Variants in FDX1 observed in about 807,000 individuals in gnomAD.
FDX1 encodes ferredoxin 1, also known as adrenodoxin, mitochondrial.
In FDX1, 9 loss-of-function variants were observed where a neutral mutation model predicts 14.9. That is an observed-to-expected ratio of 0.60 (90% CI 0.36 to 1.05). FDX1 has a LOEUF of 1.05. FDX1 is among the 50% of genes least tolerant of loss of function. FDX1 has a pLI of 0.01. For synonymous variants in FDX1, 92 were observed against 99.4 expected (o/e 0.93, Z 0.44); for missense variants, 204 against 237.2 (o/e 0.86, Z 0.92).
chr11:110,460,355 G>A (rs761204344), intron 3 of FDX1, among the ~76,000 whole-genome samples: 2 of 152,202 alleles, frequency 1.3e-5, no homozygotes, highest in Non-Finnish European at 1.5e-5. Context: ...GGCTCTGGCC[G>A]CTTTTCTGGC....
At chr11:110,447,177 GA>G (rs369698874) in intron 2 of FDX1, among the ~76,000 whole-genome samples, 2,060 of 31,206 alleles carry the variant, frequency 0.066, 63 homozygotes, top group African/African-American at 0.23. Flanking sequence ...CTCCATCTTG[GA>G]AAAAAAAAAA....
At chr11:110,454,930 A>G (rs759232171) in intron 2 of FDX1, among the ~76,000 whole-genome samples, 1 of 152,230 alleles carries the variant, frequency 6.6e-6, no homozygotes, top group Non-Finnish European at 1.5e-5. Context: ...TCCCTCTCCC[A>G]TAATTCTACT....
intron 2 of FDX1, 47 bp from the exon 3 acceptor site, chr11:110,456,871 C>A: frequency 6.4e-7 from 1 of 1,553,642 alleles, no homozygotes; most frequent in Non-Finnish European, 8.7e-7. Context: ...AGGTATGAAT[C>A]GTCTGATGTA....
At chr11:110,443,288 T>C (rs79538436) in intron 2 of FDX1, among the ~76,000 whole-genome samples, 3,791 of 140,350 alleles carry the variant, frequency 0.027, 141 homozygotes, top group African/African-American at 0.09. Flanking sequence ...CCTTTTTTTT[T>C]TCTGTAGGAA....
chr11:110,461,623 G>A (rs1442583031), intron 3 of FDX1, among the ~76,000 whole-genome samples: 1 of 149,028 alleles, frequency 6.7e-6, no homozygotes, highest in Non-Finnish European at 1.5e-5. Context: ...TTTACACCCT[G>A]CTTTCTTTCT....
At chr11:110,457,805 C>G (rs566838697) in intron 3 of FDX1, among the ~76,000 whole-genome samples, 25 of 152,192 alleles carry the variant, frequency 1.6e-4, no homozygotes, top group African/African-American at 2.2e-4. Flanking sequence ...TTGTTATACA[C>G]TTTTAATATA....
intron 2 of FDX1, among the ~76,000 whole-genome samples, chr11:110,446,607 A>G (rs1946451522): frequency 6.6e-6 from 1 of 152,118 alleles, no homozygotes; most frequent in Non-Finnish European, 1.5e-5. Flanking sequence ...TTCCTACCTC[A>G]GTAATGAGCA....
At chr11:110,455,282 G>A (rs1470488727) in intron 2 of FDX1, among the ~76,000 whole-genome samples, 1 of 151,780 alleles carries the variant, frequency 6.6e-6, no homozygotes, top group Non-Finnish European at 1.5e-5. Flanking sequence ...TTACAGGTGT[G>A]AGCCACCGTG....
chr11:110,453,309 GT>G (rs1300470527), intron 2 of FDX1, among the ~76,000 whole-genome samples: 1 of 152,164 alleles, frequency 6.6e-6, no homozygotes, highest in Non-Finnish European at 1.5e-5. Context: ...TTACACTCCA[GT>G]CCAGGCAACA....
intron 3 of FDX1, among the ~76,000 whole-genome samples, chr11:110,461,884 T>C (rs902191442): frequency 2.0e-5 from 3 of 152,236 alleles, no homozygotes; most frequent in Admixed American, 1.3e-4. Flanking sequence ...GCTCTTATAA[T>C]TGATGACTTA....
At position 110,462,406 on chromosome 11, in the gene FDX1, G is replaced by C. The variant is rs1222706255; in HGVS notation, c.493G>C (p.Val165Leu). The change falls in exon 4 of 4, where the codon GTT (valine) becomes CTT (leucine). Residue 165 changes from valine to leucine, a missense_variant. Coordinates refer to ENST00000260270, the MANE Select transcript of FDX1 (RefSeq NM_004109.5). ...GACAAAATCTATGGACAATATGACT[G>C]TTCGAGTGCCTGAAACAGTGGCTGA... The part of the protein sequence containing the change: ...CLTKSMDNMT[V>L]RVPETVADAR... 19 of 1,612,606 alleles carry C rather than the reference G, an allele frequency of 1.2e-5. No individual in the cohort carries two copies. The highest frequency in any genetic ancestry group is 1.4e-5 in the Non-Finnish European group (17 of 1,178,804).
chr11:110,451,069 T>C (rs1591252533), intron 2 of FDX1, among the ~76,000 whole-genome samples: 1 of 152,132 alleles, frequency 6.6e-6, no homozygotes, highest in African/African-American at 2.4e-5. Context: ...TTTATTCTTT[T>C]ATAGTTTTAT....
intron 2 of FDX1, among the ~76,000 whole-genome samples, chr11:110,444,681 TATACACGTATATATATATATATAC>T (rs1565381840): frequency 9.6e-5 from 7 of 73,184 alleles, no homozygotes; most frequent in African/African-American, 3.3e-4. Context: ...TATATATATA[TATACACGTATATATATATATATAC>T]GTATATATAT....
intron 3 of FDX1, among the ~76,000 whole-genome samples, chr11:110,459,156 T>C (rs1946541373): frequency 6.6e-6 from 1 of 152,126 alleles, no homozygotes; most frequent in African/African-American, 2.4e-5. Context: ...ATGATTGTAA[T>C]TGCTCCCTGC....
At position 110,456,930 on chromosome 11, in the gene FDX1, G is replaced by GAAC; in HGVS notation, c.324_326dup (p.Thr109dup). ...TTGCTTTTGTCAGGTGCATGTGAGG[G>GAAC]AACCCTGGCTTGTTCAACCTGTCAC... On this transcript the variant is annotated inframe_insertion, in exon 3 of 4. Coordinates refer to ENST00000260270, the MANE Select transcript of FDX1 (RefSeq NM_004109.5). 1 of 1,611,598 alleles carries GAAC rather than the reference G, an allele frequency of 6.2e-7. No homozygotes were observed. Among genetic ancestry groups the GAAC allele is most frequent in the Non-Finnish European group, 8.5e-7 (1 of 1,178,728 alleles).
chr11:110,449,437 G>C (rs77069529), intron 2 of FDX1, among the ~76,000 whole-genome samples: 22 of 152,102 alleles, frequency 1.4e-4, no homozygotes, highest in Admixed American at 1.4e-3. Context: ...TATTTATGGG[G>C]TAGGTACAGT....
At chr11:110,452,810 T>G (rs187153063) in intron 2 of FDX1, among the ~76,000 whole-genome samples, 1 of 152,310 alleles carries the variant, frequency 6.6e-6, no homozygotes, top group Non-Finnish European at 1.5e-5. Context: ...AGGCATTGTG[T>G]TGAGTGAAAG....
chr11:110,439,684 T>C (rs1402508033), intron 2 of FDX1, among the ~76,000 whole-genome samples: 3 of 152,188 alleles, frequency 2.0e-5, no homozygotes, highest in Admixed American at 2.0e-4. Flanking sequence ...TTTAATCAGG[T>C]CCCATTTGTC....
intron 2 of FDX1, among the ~76,000 whole-genome samples, chr11:110,447,614 T>C (rs115285482): frequency 0.019 from 2,880 of 152,310 alleles, 76 homozygotes; most frequent in African/African-American, 0.061. Flanking sequence ...ACTGGCCTTT[T>C]CTCAAGAGCT....
Sources: gnomAD v4.1 joint callset for allele counts (sites outside exome capture counted in the v4.1 genomes callset) on GRCh38, gnomAD v4.1.1 for gene constraint, MANE v1.5 for transcripts, NCBI Gene and HGNC (gene_info 2026-07-23, HGNC 2026-07-21) for gene names.